PLXDC2: variants seen among roughly 807,000 people sequenced by gnomAD.
The protein encoded by PLXDC2 is plexin domain containing 2, also known as plexin domain-containing protein 2.
Under a neutral mutation model 68.9 loss-of-function variants are expected in PLXDC2, and 40 were observed. The ratio of observed to expected loss-of-function variants is 0.58; its 90% CI spans 0.45 to 0.76. PLXDC2 has a LOEUF of 0.76. Among genes scored for constraint, PLXDC2 ranks in the 30% least tolerant of loss-of-function variants. The pLI is 0.00. For synonymous variants in PLXDC2, 243 were observed against 234.2 expected (o/e 1.04, Z -0.34); for missense variants, 644 against 661.9 (o/e 0.97, Z 0.30).
At chr10:20,129,399 G>A (rs1049055608) in intron 4 of PLXDC2, among the ~76,000 whole-genome samples, 5 of 151,928 alleles carry the variant, frequency 3.3e-5, no homozygotes, top group African/African-American at 1.2e-4. Flanking sequence ...ATTTGCAAAT[G>A]TCTTCTCCCA....
At chr10:19,853,920 A>C (rs889629321) in intron 1 of PLXDC2, among the ~76,000 whole-genome samples, 3 of 151,736 alleles carry the variant, frequency 2.0e-5, no homozygotes, top group African/African-American at 7.3e-5. Flanking sequence ...CCCTTTATTT[A>C]CTCTGGCCCT....
At chr10:20,261,143 G>C (rs1265230340) in intron 13 of PLXDC2, among the ~76,000 whole-genome samples, 1 of 151,998 alleles carries the variant, frequency 6.6e-6, no homozygotes, top group Non-Finnish European at 1.5e-5. Flanking sequence ...AAATCCATAG[G>C]CTTCCTCTTC....
intron 1 of PLXDC2, among the ~76,000 whole-genome samples, chr10:19,945,186 T>C (rs572322288): frequency 6.6e-6 from 1 of 152,176 alleles, no homozygotes; most frequent in African/African-American, 2.4e-5. Flanking sequence ...TAATTTAACA[T>C]GTTCATATTT....
chr10:20,248,243 AGTGGAATATTGTTTTGAGTATTAGTCT>A, intron 13 of PLXDC2, among the ~76,000 whole-genome samples: 1 of 152,190 alleles, frequency 6.6e-6, no homozygotes, highest in South Asian at 2.1e-4. Flanking sequence ...ACTGCAAAAT[AGTGGAATATTGTTTTGAGTATTAGTCT>A]CATTGTCTTA....
chr10:19,990,870 T>C (rs527894590), intron 1 of PLXDC2, among the ~76,000 whole-genome samples: 35 of 152,334 alleles, frequency 2.3e-4, no homozygotes, highest in South Asian at 1.5e-3. Flanking sequence ...GGATGAACAG[T>C]AGTTCATATC....
At chr10:19,937,896 G>A (rs906471736) in intron 1 of PLXDC2, among the ~76,000 whole-genome samples, 1 of 152,030 alleles carries the variant, frequency 6.6e-6, no homozygotes, top group Non-Finnish European at 1.5e-5. Context: ...AGGAGAACTC[G>A]TACCCCACTT....
chr10:19,956,819 TA>T (rs1564638874), intron 1 of PLXDC2, among the ~76,000 whole-genome samples: 1 of 152,238 alleles, frequency 6.6e-6, no homozygotes, highest in East Asian at 1.9e-4. Flanking sequence ...TGTATTGAAC[TA>T]TGTCAATACG....
chr10:20,051,835 A>C (rs1835907715), intron 3 of PLXDC2, among the ~76,000 whole-genome samples: 1 of 151,990 alleles, frequency 6.6e-6, no homozygotes, highest in African/African-American at 2.4e-5. Context: ...CCTGTTTCTC[A>C]AGAGGGCCAG....
intron 5 of PLXDC2, 21 bp from the exon 6 acceptor site, chr10:20,147,763 C>CT (rs763280266): frequency 1.4e-6 from 2 of 1,435,160 alleles, no homozygotes; most frequent in Non-Finnish European, 9.6e-7. Context: ...TGCATTTCTT[C>CT]TTTTTTCAAT....
At chr10:19,909,831 G>T (rs7912456) in intron 1 of PLXDC2, among the ~76,000 whole-genome samples, 3,767 of 152,178 alleles carry the variant, frequency 0.025, 152 homozygotes, top group African/African-American at 0.085. Context: ...GCCAGGCACT[G>T]TTCTAAGAGC....
chr10:19,865,998 C>T (rs1012684259), intron 1 of PLXDC2, among the ~76,000 whole-genome samples: 6 of 152,130 alleles, frequency 3.9e-5, no homozygotes, highest in Non-Finnish European at 8.8e-5. Context: ...ACTTTCCCCC[C>T]TCATTTATAC....
chr10:19,876,068 T>G (rs1238150210), intron 1 of PLXDC2, among the ~76,000 whole-genome samples: 1 of 152,182 alleles, frequency 6.6e-6, no homozygotes, highest in African/African-American at 2.4e-5. Flanking sequence ...GATTATGAGT[T>G]CAAACACTGG....
intron 4 of PLXDC2, among the ~76,000 whole-genome samples, chr10:20,080,692 C>T (rs150004954): frequency 3.0e-4 from 46 of 152,284 alleles, no homozygotes; most frequent in African/African-American, 1.0e-3. Flanking sequence ...AGTCCACTGA[C>T]TCAAATGTTA....
At chr10:20,005,729 A>G (rs1488917742) in intron 2 of PLXDC2, among the ~76,000 whole-genome samples, 2 of 152,142 alleles carry the variant, frequency 1.3e-5, no homozygotes, top group Admixed American at 6.5e-5. Context: ...CAACGCACTC[A>G]TCACCAAGGG....
At chr10:20,135,697 A>C (rs16919903) in intron 4 of PLXDC2, among the ~76,000 whole-genome samples, 34,244 of 151,996 alleles carry the variant, frequency 0.23, 5,331 homozygotes, top group African/African-American at 0.43. Flanking sequence ...TATATTGGTA[A>C]TTTTATGAAC....
intron 1 of PLXDC2, among the ~76,000 whole-genome samples, chr10:19,982,133 A>G (rs1482178952): frequency 6.6e-6 from 1 of 152,252 alleles, no homozygotes; most frequent in Non-Finnish European, 1.5e-5. Flanking sequence ...AACTTTCCCC[A>G]AAGAGTAAAT....
At chr10:20,120,803 A>T (rs999705513) in intron 4 of PLXDC2, among the ~76,000 whole-genome samples, 5 of 152,212 alleles carry the variant, frequency 3.3e-5, no homozygotes, top group Non-Finnish European at 2.9e-5. Context: ...CCTTGAGGAT[A>T]GATTTCCACC....
chr10:20,240,136 T>G (rs1486099451), intron 12 of PLXDC2, among the ~76,000 whole-genome samples: 2 of 152,284 alleles, frequency 1.3e-5, no homozygotes, highest in East Asian at 1.9e-4. Context: ...TGTGTCCGTA[T>G]GTATTCAATG....
intron 1 of PLXDC2, among the ~76,000 whole-genome samples, chr10:19,997,101 T>C (rs1834857455): frequency 6.6e-6 from 1 of 152,054 alleles, no homozygotes; most frequent in Non-Finnish European, 1.5e-5. Context: ...TAAAATAGAG[T>C]GTCTAGGTCC....
Sources: gnomAD v4.1 joint callset for allele counts (sites outside exome capture counted in the v4.1 genomes callset) on GRCh38, gnomAD v4.1.1 for gene constraint, MANE v1.5 for transcripts, NCBI Gene and HGNC (gene_info 2026-07-23, HGNC 2026-07-21) for gene names.